Variants in BMP2K observed in about 807,000 individuals in gnomAD.
BMP2K encodes the protein BMP-2-inducible protein kinase.
A neutral mutation model predicts 116.0 loss-of-function variants in BMP2K; 74 were observed. The ratio of observed to expected loss-of-function variants is 0.64; its 90% confidence interval spans 0.53 to 0.77. BMP2K has a LOEUF of 0.77. BMP2K is among the 30% of genes least tolerant of loss of function. BMP2K has a pLI of 0.00. For missense variants in BMP2K, 1,365 were observed against 1,403.6 expected (o/e 0.97, Z 0.44); for synonymous variants, 486 against 502.5 (o/e 0.97, Z 0.44).
At chr4:78,838,141 C>G (rs1001713764) in intron 3 of BMP2K, among the ~76,000 whole-genome samples, 1 of 152,186 alleles carries the variant, frequency 6.6e-6, no homozygotes, top group African/African-American at 2.4e-5. Context: ...TGGCAGCAGA[C>G]AGAGAGGGTT....
intron 15 of BMP2K, among the ~76,000 whole-genome samples, chr4:78,891,550 TCTC>T (rs1334429087): frequency 5.9e-5 from 9 of 152,216 alleles, no homozygotes; most frequent in Non-Finnish European, 1.3e-4. Flanking sequence ...TAAATTTTGT[TCTC>T]CTCTGTTTTC....
At chr4:78,882,891 G>A (rs565493251) in intron 14 of BMP2K, among the ~76,000 whole-genome samples, 1 of 152,074 alleles carries the variant, frequency 6.6e-6, no homozygotes, top group Non-Finnish European at 1.5e-5. Context: ...CTCATCTTTT[G>A]TAGCAAATTC....
At chr4:78,806,481 A>G (rs1046810322) in intron 1 of BMP2K, among the ~76,000 whole-genome samples, 8 of 152,090 alleles carry the variant, frequency 5.3e-5, no homozygotes, top group Admixed American at 1.3e-4. Flanking sequence ...CCCGGTCTGT[A>G]TGTATAAGAT....
intron 11 of BMP2K, among the ~76,000 whole-genome samples, chr4:78,871,567 TTTATCTTC>T (rs1198474401): frequency 2.0e-5 from 3 of 152,192 alleles, no homozygotes; most frequent in Non-Finnish European, 4.4e-5. Flanking sequence ...CTCAGGTGTC[TTTATCTTC>T]TAGGAAAAGG....
chr4:78,903,230 G>T (rs532105344), intron 15 of BMP2K, among the ~76,000 whole-genome samples: 5 of 151,936 alleles, frequency 3.3e-5, no homozygotes, highest in East Asian at 3.9e-4. Context: ...TCATGTTCTT[G>T]TATTTATTTG....
intron 15 of BMP2K, among the ~76,000 whole-genome samples, chr4:78,900,656 T>C (rs1157901916): frequency 6.6e-6 from 1 of 152,238 alleles, no homozygotes; most frequent in Non-Finnish European, 1.5e-5. Flanking sequence ...ATTTGTTGCC[T>C]TAGTTTATGA....
chr4:78,800,353 C>G (rs1198549041), intron 1 of BMP2K, among the ~76,000 whole-genome samples: 1 of 152,118 alleles, frequency 6.6e-6, no homozygotes, highest in Non-Finnish European at 1.5e-5. Context: ...CATGTTAGGG[C>G]TAGTATAGTG....
At position 78,844,956 on chromosome 4, in the gene BMP2K, G is replaced by A. The variant is rs1322548452; in HGVS notation, c.575G>A (p.Gly192Glu). 2.5e-6 allele frequency: 4 copies of A among 1,597,234 alleles called. No homozygotes were observed. The highest frequency in any genetic ancestry group is 3.4e-6 in the Non-Finnish European group (4 of 1,166,746). ...GAAAATATTTTGTTGAATGATGGTGGGAACTATGTACTTTGTGACTTTGGC... is the reference window on the plus strand; with the variant it reads ...GAAAATATTTTGTTGAATGATGGTGAGAACTATGTACTTTGTGACTTTGGC... ...KVENILLNDG[G>E]NYVLCDFGSA... The change falls in exon 5 of 16, where the codon GGG (glycine) becomes GAG (glutamate). Residue 192 changes from glycine (G) to glutamate (E), a missense_variant. Transcript: ENST00000502613.
chr4:78,851,123 C>A, intron 7 of BMP2K, 67 bp downstream of exon 7: 1 of 1,349,634 alleles, frequency 7.4e-7, no homozygotes. Context: ...TATTTACATT[C>A]CTTTACTTAA....
At chr4:78,805,936 A>T (rs565360428) in intron 1 of BMP2K, among the ~76,000 whole-genome samples, 2 of 152,218 alleles carry the variant, frequency 1.3e-5, no homozygotes, top group African/African-American at 4.8e-5. Context: ...GCACCACCGC[A>T]CTCTAGCCTG....
chr4:78,848,896 TCTTA>T (rs1731128217), intron 6 of BMP2K, among the ~76,000 whole-genome samples: 1 of 147,136 alleles, frequency 6.8e-6, no homozygotes, highest in Non-Finnish European at 1.5e-5. Flanking sequence ...TTTTATGCTG[TCTTA>T]CTTAGCTCAG....
chr4:78,844,665 T>C (rs1730912550), intron 4 of BMP2K, among the ~76,000 whole-genome samples: 1 of 151,630 alleles, frequency 6.6e-6, no homozygotes, highest in Non-Finnish European at 1.5e-5. Flanking sequence ...AGAGAAGCAG[T>C]AGACATAGTA....
In BMP2K at chr4:78,831,433, G is replaced by T. The variant is rs185811083; in HGVS notation, c.298-2149G>T. Among the ~76,000 whole-genome samples the T allele has an allele frequency of 2.0e-3, 307 of 152,338 alleles. 5 individuals carry two copies. The South Asian group carries it at 0.023, about 11-fold the overall frequency. ...AAACCTTTAATTTGTGTAAAATGCA[G>T]TATCTGCAGAGCATAATAAAGCAAA... On this transcript the variant is annotated intron_variant, in intron 2 of 15. Transcript: ENST00000502613.
intron 6 of BMP2K, among the ~76,000 whole-genome samples, chr4:78,848,501 C>T (rs1264538626): frequency 1.3e-5 from 2 of 151,312 alleles, no homozygotes; most frequent in Admixed American, 6.6e-5. Flanking sequence ...TGTTGAATTC[C>T]ATGTTACTTG....
chr4:78,911,303 C>T lies in BMP2K; in HGVS notation c.2756C>T (p.Ala919Val), dbSNP rs753777587. 4.6e-5 allele frequency: 74 copies of T among 1,613,810 alleles called. No homozygotes were observed. The highest frequency in any genetic ancestry group is 6.2e-5 in the Non-Finnish European group (73 of 1,179,878). Residue 919 changes from alanine (A) to valine (V), a missense_variant, in exon 16 of 16, where the codon GCA (alanine) becomes GTA (valine). Transcript: ENST00000502613. ...GAATGCCATGCAGTGGGGCCTGAGGCACATACTATCCCTGGTTATCCCAAA... is the reference window on the plus strand; with the variant it reads ...GAATGCCATGCAGTGGGGCCTGAGGTACATACTATCCCTGGTTATCCCAAA... ...VQECHAVGPE[A>V]HTIPGYPKSV...
chr4:78,778,806 A>C (rs958171152), intron 1 of BMP2K, among the ~76,000 whole-genome samples: 1 of 152,254 alleles, frequency 6.6e-6, no homozygotes, highest in Non-Finnish European at 1.5e-5. Flanking sequence ...GCCTGATCAT[A>C]AGATTGGGTC....
chr4:78,887,015 C>G, intron 14 of BMP2K, 159 bp from the exon 15 acceptor site: 3 of 550,520 alleles, frequency 5.4e-6, no homozygotes, highest in South Asian at 5.2e-5. Flanking sequence ...AAATTCAGGA[C>G]TACTCCCTAA....
At chr4:78,786,262 C>T (rs1194349354) in intron 1 of BMP2K, among the ~76,000 whole-genome samples, 1 of 152,116 alleles carries the variant, frequency 6.6e-6, no homozygotes, top group Non-Finnish European at 1.5e-5. Flanking sequence ...TCCCTCATCC[C>T]TTGCACTACA....
rs541515030 is a variant in BMP2K, at chr4:78,873,289, GTAA to G, written c.1793+494_1793+496del. 3.2e-3 allele frequency among the ~76,000 whole-genome samples: 486 copies of G among 152,202 alleles called. 6 individuals are homozygous for G. The highest frequency in any genetic ancestry group is 4.3e-3 in the Non-Finnish European group (293 of 68,018). The stretch of plus-strand genomic sequence containing the variant: ...ACATACTGTTACCGTAACATAGTTG[GTAA>G]TAGTATATTTTGGCTATTGAGACAT... On this transcript the variant is annotated intron_variant, in intron 13 of 15. Coordinates refer to ENST00000502613, the MANE Select transcript of BMP2K (RefSeq NM_198892.2).
Sources: gnomAD v4.1 joint callset for allele counts (sites outside exome capture counted in the v4.1 genomes callset) on GRCh38, gnomAD v4.1.1 for gene constraint, MANE v1.5 for transcripts, NCBI Gene and HGNC (gene_info 2026-07-23, HGNC 2026-07-21) for gene names.